THOC3: variants seen among roughly 807,000 people sequenced by gnomAD.
THOC3 encodes the protein THO complex subunit 3.
Under a neutral mutation model 23.3 loss-of-function variants are expected in THOC3, and 4 were observed. That is an observed-to-expected ratio of 0.17 (90% CI 0.08 to 0.39). The LOEUF is 0.39. Among genes scored for constraint, THOC3 ranks in the 10% least tolerant of loss-of-function variants. THOC3 has a pLI of 1.00. For missense variants in THOC3, 64 were observed against 359.4 expected (o/e 0.18, Z 6.65); for synonymous variants, 27 against 141.5 (o/e 0.19, Z 5.74).
At position 175,962,419 on chromosome 5, in the gene THOC3, T is replaced by TACACACACAC. The variant is rs1436194735; in HGVS notation, c.630-986_630-985insGTGTGTGTGT. On this transcript the variant is annotated intron_variant, in intron 3 of 5. Coordinates refer to ENST00000265097, the MANE Select transcript of THOC3 (RefSeq NM_032361.4). Reference sequence around the variant, plus strand: ...TATTTTATCTTTAAATATATATATATATACACACACACACACACACACACG... The same window carrying TACACACACAC: ...TATTTTATCTTTAAATATATATATATACACACACACATACACACACACACACACACACACG... Among the ~76,000 whole-genome samples the TACACACACAC allele has an allele frequency of 3.3e-3, 132 of 40,596 alleles. 5 individuals carry two copies. Among genetic ancestry groups the TACACACACAC allele is most frequent in the East Asian group, 0.024 (52 of 2,164 alleles). The allele number at this position is 40,596 out of a possible 152,430, so 26.6% of individuals were successfully genotyped here.
At position 175,968,074 on chromosome 5, in the gene THOC3, G is replaced by A. The variant is rs1408251248; in HGVS notation, c.135C>T (p.His45=). Residue 45 remains histidine, a synonymous_variant, in exon 1 of 6, where the codon CAC becomes CAT. Coordinates refer to ENST00000265097, the MANE Select transcript of THOC3 (RefSeq NM_032361.4). ...VLGMQELFRG[H]SKTREFLAHS... ...GCGCCAGGAACTCGCGCGTCTTGCT[G>A]TGGCCCCGGAACAGCTCCTGCATCC... 1.2e-6 allele frequency: 2 copies of A among 1,611,478 alleles called. No individual in the cohort carries two copies. Among genetic ancestry groups the A allele is most frequent in the Non-Finnish European group, 1.7e-6 (2 of 1,179,658 alleles).
chr5:175,964,089 A>G (rs1315521993), intron 3 of THOC3, among the ~76,000 whole-genome samples: 1 of 152,188 alleles, frequency 6.6e-6, no homozygotes, highest in Non-Finnish European at 1.5e-5. Context: ...CCACAGTTTC[A>G]TTCATTTACA....
At chr5:175,962,421 TACACACACACAC>T in intron 3 of THOC3, among the ~76,000 whole-genome samples, 1 of 44,218 alleles carries the variant, frequency 2.3e-5, no homozygotes, top group African/African-American at 7.5e-5. Context: ...TATATATATA[TACACACACACAC>T]ACACACACAC....
intron 3 of THOC3, among the ~76,000 whole-genome samples, chr5:175,964,409 G>A (rs1282008255): frequency 6.6e-6 from 1 of 152,260 alleles, no homozygotes; most frequent in Non-Finnish European, 1.5e-5. Context: ...ACCTGAGGTC[G>A]GGAGTTGGAG....
Position 175,967,513 on chromosome 5 carries a change from C to T in THOC3, c.268-246G>A, listed in dbSNP as rs1581131244. 5.8e-6 allele frequency: 2 copies of T among 343,106 alleles called. 1 individual carries two copies. Among genetic ancestry groups the T allele is most frequent in the African/African-American group, 5.7e-5 (2 of 34,786 alleles). 21.3% of individuals were successfully genotyped at this position (343,106 alleles called of 1,614,324 possible). Reference sequence around the variant, plus strand: ...CCTTCTCCTCCTTCCTGGTTTTCCACCCTTACTCTACCACCAACGTACCAC... The same window carrying T: ...CCTTCTCCTCCTTCCTGGTTTTCCATCCTTACTCTACCACCAACGTACCAC... On this transcript the variant is annotated intron_variant, in intron 1 of 5. Transcript: ENST00000265097.
intron 2 of THOC3, among the ~76,000 whole-genome samples, chr5:175,965,829 T>G (rs1756756494): frequency 1.3e-5 from 2 of 152,370 alleles, no homozygotes; most frequent in Non-Finnish European, 1.5e-5. Flanking sequence ...ATTTTTGTCC[T>G]ATCCATTAAA....
intron 3 of THOC3, among the ~76,000 whole-genome samples, chr5:175,964,348 T>C (rs1216656843): frequency 2.6e-5 from 4 of 152,252 alleles, no homozygotes; most frequent in Non-Finnish European, 5.9e-5. Flanking sequence ...GGCAAAGTGA[T>C]ATTTCAGTTG....
At chr5:175,961,970 T>C (rs1407957819) in intron 3 of THOC3, among the ~76,000 whole-genome samples, 2 of 149,890 alleles carry the variant, frequency 1.3e-5, no homozygotes, top group Non-Finnish European at 3.0e-5. Flanking sequence ...ATTAAAAAAA[T>C]GACTAGAGAC....
intron 2 of THOC3, chr5:175,965,394 AAAATCT>A (rs1756746073): frequency 3.5e-6 from 2 of 568,366 alleles, no homozygotes; most frequent in African/African-American, 3.8e-5. Flanking sequence ...CTCCATTTAT[AAAATCT>A]ATAAGATTTT....
At position 175,961,784 on chromosome 5, in the gene THOC3, G is replaced by A. The variant is rs555121258; in HGVS notation, c.630-350C>T. Among the ~76,000 whole-genome samples the A allele has an allele frequency of 6.3e-3, 950 of 151,898 alleles. 2 individuals carry two copies. The highest frequency in any genetic ancestry group is 0.014 in the Middle Eastern group (4 of 292). On this transcript the variant is annotated intron_variant, in intron 3 of 5. Coordinates refer to ENST00000265097, the MANE Select transcript of THOC3 (RefSeq NM_032361.4). ...ATACACAAGCGAGAAAACGAGCCAA[G>A]GATTTTTACATCCAGCAAAACTGAA...
rs769709049 is a variant in THOC3, at chr5:175,968,042, G to A, written c.167C>T (p.Ala56Val). Residue 56 changes from alanine (A) to valine (V), a missense_variant, in exon 1 of 6, where the codon GCC becomes GTC. By Grantham distance (64) the Ala-to-Val change is moderately conservative. Transcript: ENST00000265097. Reference protein sequence around the residue: ...SKTREFLAHSAKVHSVAWSCD... With the variant: ...SKTREFLAHSVKVHSVAWSCD... ...ACTCCAGGCCACCGAGTGCACCTTG[G>A]CGCTGTGCGCCAGGAACTCGCGCGT... 6.2e-7 allele frequency: 1 copy of A among 1,611,452 alleles called. No individual in the cohort carries two copies. The highest frequency in any genetic ancestry group is 8.5e-7 in the Non-Finnish European group (1 of 1,179,786).
intron 3 of THOC3, among the ~76,000 whole-genome samples, chr5:175,962,975 T>C (rs1318408693): frequency 2.0e-5 from 3 of 152,140 alleles, no homozygotes; most frequent in Non-Finnish European, 4.4e-5. Context: ...GAGGTTCTTA[T>C]TGGCCAAAGA....
chr5:175,962,558 G>A (rs1221726448), intron 3 of THOC3, among the ~76,000 whole-genome samples: 1 of 146,810 alleles, frequency 6.8e-6, no homozygotes, highest in Non-Finnish European at 1.5e-5. Flanking sequence ...ATCTCACTCA[G>A]TCGTCCAGAA....
At chr5:175,962,379 C>T (rs191303448) in intron 3 of THOC3, among the ~76,000 whole-genome samples, 2,256 of 113,288 alleles carry the variant, frequency 0.02, 34 homozygotes, top group Admixed American at 0.046. Context: ...AAGTTATCAA[C>T]ATGAATTCAT....
chr5:175,967,711 A>C, intron 1 of THOC3, among the ~76,000 whole-genome samples: 1 of 99,568 alleles, frequency 1.0e-5, no homozygotes, highest in Non-Finnish European at 2.4e-5. Flanking sequence ...TTACTTCCAC[A>C]CTCTTCACAC....
At chr5:175,964,127 C>G (rs1345347959) in intron 3 of THOC3, among the ~76,000 whole-genome samples, 3 of 152,194 alleles carry the variant, frequency 2.0e-5, no homozygotes, top group South Asian at 2.1e-4. Flanking sequence ...GATCCTACTA[C>G]GTGGAGCAGG....
At chr5:175,963,093 A>C (rs1431337101) in intron 3 of THOC3, among the ~76,000 whole-genome samples, 12 of 152,242 alleles carry the variant, frequency 7.9e-5, no homozygotes, top group Middle Eastern at 3.2e-3. Context: ...AAAACACCTA[A>C]CTGCTCATCT....
At chr5:175,964,155 G>A (rs1232256156) in intron 3 of THOC3, among the ~76,000 whole-genome samples, 1 of 152,206 alleles carries the variant, frequency 6.6e-6, no homozygotes, top group African/African-American at 2.4e-5. Context: ...CTAGACATTA[G>A]GGACTCAACA....
At chr5:175,964,921 A>T (rs1756736111) in intron 3 of THOC3, 30 bp downstream of exon 3, 1 of 824,880 alleles carries the variant, frequency 1.2e-6, no homozygotes, top group African/African-American at 2.0e-5. Flanking sequence ...GCACAAAGAC[A>T]TGACAGTCCC....
Sources: gnomAD v4.1 joint callset for allele counts (sites outside exome capture counted in the v4.1 genomes callset) on GRCh38, gnomAD v4.1.1 for gene constraint, MANE v1.5 for transcripts, NCBI Gene and HGNC (gene_info 2026-07-23, HGNC 2026-07-21) for gene names.